GLIS3: variants seen among roughly 807,000 people sequenced by gnomAD.
GLIS3 encodes zinc finger protein GLIS3.
In GLIS3, 53 loss-of-function variants were observed where a neutral mutation model predicts 78.6. The ratio of observed to expected loss-of-function variants is 0.67; its 90% CI spans 0.54 to 0.85. GLIS3 has a LOEUF of 0.85. GLIS3 is among the 40% of genes least tolerant of loss of function. GLIS3 has a pLI of 0.00. For synonymous variants in GLIS3, 684 were observed against 509.9 expected (o/e 1.34, Z -4.60); for missense variants, 1,703 against 1,231.1 (o/e 1.38, Z -5.74).
chr9:3,965,188 C>CTTTTTTTTTTTTTTTTTTTTTT (rs750454441), intron 4 of GLIS3, among the ~76,000 whole-genome samples: 2 of 99,000 alleles, frequency 2.0e-5, no homozygotes, highest in Non-Finnish European at 2.0e-5. Context: ...TCTTTCTTTT[C>CTTTTTTTTTTTTTTTTTTTTTT]TTTTCTTTTT....
chr9:4,037,638 T>C (rs946742866), intron 4 of GLIS3, among the ~76,000 whole-genome samples: 1 of 152,120 alleles, frequency 6.6e-6, no homozygotes, highest in African/African-American at 2.4e-5. Flanking sequence ...TTTTAATCTA[T>C]GATCTAAGCA....
chr9:4,148,168 C>A (rs545286650), intron 2 of GLIS3, among the ~76,000 whole-genome samples: 2 of 152,062 alleles, frequency 1.3e-5, no homozygotes, highest in African/African-American at 4.8e-5. Context: ...CTTAATCCCT[C>A]CCCCCTTTTT....
intron 8 of GLIS3, among the ~76,000 whole-genome samples, chr9:3,860,645 A>G (rs990222183): frequency 6.6e-6 from 1 of 152,184 alleles, no homozygotes; most frequent in Admixed American, 6.5e-5. Flanking sequence ...GACAGGCCAG[A>G]AGTCACACCC....
chr9:4,467,081 G>A, the GLIS3 span, among the ~76,000 whole-genome samples: 1 of 152,208 alleles, frequency 6.6e-6, no homozygotes, highest in East Asian at 1.9e-4. Flanking sequence ...GCGAGGCTGG[G>A]GGAGGGGCAT....
chr9:4,152,449 TA>T (rs1437061569), intron 2 of GLIS3, among the ~76,000 whole-genome samples: 31 of 152,226 alleles, frequency 2.0e-4, no homozygotes, highest in African/African-American at 7.2e-4. Flanking sequence ...ATCCAAAGGC[TA>T]TTGTTTGGGC....
the GLIS3 span, among the ~76,000 whole-genome samples, chr9:4,409,707 G>A: frequency 6.6e-6 from 1 of 152,224 alleles, no homozygotes; most frequent in Non-Finnish European, 1.5e-5. Flanking sequence ...AATATGGGTT[G>A]AAGAAGCAAG....
At chr9:3,876,224 T>C (rs113237856) in intron 8 of GLIS3, among the ~76,000 whole-genome samples, 11 of 152,222 alleles carry the variant, frequency 7.2e-5, no homozygotes, top group African/African-American at 2.2e-4. Context: ...GTAAAATAAA[T>C]GTCCCGAGTT....
At chr9:4,073,364 C>G (rs1246629907) in intron 4 of GLIS3, among the ~76,000 whole-genome samples, 2 of 152,124 alleles carry the variant, frequency 1.3e-5, no homozygotes, top group Non-Finnish European at 2.9e-5. Flanking sequence ...TCACAGCACA[C>G]CTTTTGGATT....
At chr9:3,839,348 A>G (rs983882694) in intron 9 of GLIS3, among the ~76,000 whole-genome samples, 2 of 152,188 alleles carry the variant, frequency 1.3e-5, no homozygotes, top group African/African-American at 2.4e-5. Context: ...GAAAACAGCA[A>G]TCACACAATC....
chr9:4,009,251 A>G (rs1255938350), intron 4 of GLIS3, among the ~76,000 whole-genome samples: 2 of 152,180 alleles, frequency 1.3e-5, no homozygotes, highest in East Asian at 3.9e-4. Flanking sequence ...TCCCTCGCAC[A>G]GCCCGTGTGC....
chr9:4,094,322 T>G (rs1406328303), intron 4 of GLIS3, among the ~76,000 whole-genome samples: 4 of 152,240 alleles, frequency 2.6e-5, no homozygotes, highest in Admixed American at 2.6e-4. Flanking sequence ...TGCTCATATG[T>G]GGCTAGTGAG....
chr9:3,867,798 G>A (rs1820697723), intron 8 of GLIS3, among the ~76,000 whole-genome samples: 1 of 151,976 alleles, frequency 6.6e-6, no homozygotes, highest in African/African-American at 2.4e-5. Context: ...TGTTGGGTAA[G>A]GAGTGGATTT....
chr9:3,936,878 C>T, intron 5 of GLIS3, 150 bp downstream of exon 5: 1 of 982,866 alleles, frequency 1.0e-6, no homozygotes, highest in Non-Finnish European at 1.6e-6. Context: ...AGGGCCCCAT[C>T]TGGCCTTTTA....
In GLIS3 at chr9:4,274,042, T is replaced by G. The variant is rs551183533; in HGVS notation, c.388+11996A>C. Among the ~76,000 whole-genome samples the G allele has an allele frequency of 5.4e-3, 820 of 152,256 alleles. 9 individuals carry two copies. The highest frequency in any genetic ancestry group is 8.1e-3 in the Non-Finnish European group (551 of 68,030). ...CATGTGGCCGAGTCTGCCCTTTGCCTAGACTCTGCCCATTTGTGAATGAGG... is the reference window on the plus strand; with the variant it reads ...CATGTGGCCGAGTCTGCCCTTTGCCGAGACTCTGCCCATTTGTGAATGAGG... On this transcript the variant is annotated intron_variant, in intron 2 of 10. Coordinates refer to ENST00000381971, the MANE Select transcript of GLIS3 (RefSeq NM_001042413.2).
intron 4 of GLIS3, among the ~76,000 whole-genome samples, chr9:3,993,120 G>A (rs1820463132): frequency 6.6e-6 from 1 of 152,152 alleles, no homozygotes; most frequent in Admixed American, 6.5e-5. Context: ...TCTCACTCCA[G>A]CTCTCAAGCT....
At chr9:4,197,464 C>T (rs1297394758) in intron 2 of GLIS3, among the ~76,000 whole-genome samples, 1 of 152,132 alleles carries the variant, frequency 6.6e-6, no homozygotes, top group Non-Finnish European at 1.5e-5. Flanking sequence ...CCCCCCTGCC[C>T]CCACCCCCAA....
chr9:3,905,025 T>C lies in GLIS3; in HGVS notation c.1984-6190A>G, dbSNP rs1004515526. Among the ~76,000 whole-genome samples, 8 of 150,382 alleles carry C rather than the reference T, an allele frequency of 5.3e-5. No homozygotes were observed. The South Asian group carries it at 1.7e-3, about 32-fold the overall frequency. ...TCTTGCTCTGTCTCCCAGGCCGGAG[T>C]GCAGTGGCGCGATCTCGGCTCACTG... On this transcript the variant is annotated intron_variant, in intron 6 of 10. Coordinates refer to ENST00000381971, the MANE Select transcript of GLIS3 (RefSeq NM_001042413.2).
chr9:4,264,731 C>T (rs1032209268), intron 2 of GLIS3, among the ~76,000 whole-genome samples: 2 of 152,132 alleles, frequency 1.3e-5, no homozygotes. Flanking sequence ...TTGTTTCTCC[C>T]TATAGCACTT....
chr9:4,366,997 G>C, the GLIS3 span, among the ~76,000 whole-genome samples: 2 of 152,180 alleles, frequency 1.3e-5, no homozygotes, highest in Non-Finnish European at 2.9e-5. Context: ...GTGAATGAAG[G>C]ATGAGGATGC....
Sources: allele counts gnomAD v4.1 joint callset (sites outside exome capture counted in the v4.1 genomes callset), GRCh38; gene constraint gnomAD v4.1.1; transcripts MANE v1.5; gene names NCBI Gene and HGNC (gene_info 2026-07-23, HGNC 2026-07-21).